Variants in QTMAN observed in about 807,000 individuals in gnomAD.
The protein encoded by QTMAN is tRNA-queuosine alpha-mannosyltransferase.
chr2:144,264,128 T>C, the QTMAN span, among the ~76,000 whole-genome samples: 1 of 152,204 alleles, frequency 6.6e-6, no homozygotes, highest in African/African-American at 2.4e-5. Flanking sequence ...AAAATGCAGA[T>C]AATAACACCT....
the QTMAN span, chr2:144,332,639 G>A: frequency 1.3e-5 from 2 of 151,180 alleles, no homozygotes; most frequent in African/African-American, 4.8e-5. Context: ...CCGCCTCTCT[G>A]CGCCGCCCGG....
the QTMAN span, among the ~76,000 whole-genome samples, chr2:144,099,299 G>C: frequency 2.0e-5 from 3 of 152,120 alleles, no homozygotes; most frequent in Non-Finnish European, 4.4e-5. Flanking sequence ...GAAGAGTATG[G>C]TACTTTTCAA....
chr2:144,018,147 T>C, the QTMAN span, among the ~76,000 whole-genome samples: 1 of 152,200 alleles, frequency 6.6e-6, no homozygotes, highest in Non-Finnish European at 1.5e-5. Flanking sequence ...GTCATTTTCC[T>C]TCTTAAAACT....
the QTMAN span, among the ~76,000 whole-genome samples, chr2:144,044,622 C>CT: frequency 1.3e-5 from 2 of 152,114 alleles, no homozygotes; most frequent in Non-Finnish European, 2.9e-5. Flanking sequence ...GTTCTGAATT[C>CT]TTTTTCTAAG....
At chr2:144,090,766 C>T in the QTMAN span, among the ~76,000 whole-genome samples, 1 of 151,998 alleles carries the variant, frequency 6.6e-6, no homozygotes, top group Non-Finnish European at 1.5e-5. Context: ...TACGTCGTGT[C>T]TCTTCAATTG....
the QTMAN span, among the ~76,000 whole-genome samples, chr2:144,116,564 G>A: frequency 1.7e-4 from 26 of 152,218 alleles, no homozygotes; most frequent in Non-Finnish European, 7.4e-5. Flanking sequence ...AGGACCAGTG[G>A]ACTGCCATAC....
At chr2:144,237,777 A>G in the QTMAN span, among the ~76,000 whole-genome samples, 1 of 152,102 alleles carries the variant, frequency 6.6e-6, no homozygotes, top group African/African-American at 2.4e-5. Flanking sequence ...GGTCTGAGTG[A>G]TCAACAGAAT....
At chr2:144,322,238 T>C in the QTMAN span, among the ~76,000 whole-genome samples, 1 of 152,216 alleles carries the variant, frequency 6.6e-6, no homozygotes, top group Admixed American at 6.5e-5. Context: ...ATCTCTTTAG[T>C]CAGGACCACT....
chr2:144,054,948 A>G, the QTMAN span, among the ~76,000 whole-genome samples: 1 of 152,156 alleles, frequency 6.6e-6, no homozygotes, highest in Non-Finnish European at 1.5e-5. Context: ...GTTTTATAAT[A>G]TGTATCTGAC....
the QTMAN span, chr2:143,952,059 A>C: frequency 6.3e-7 from 1 of 1,599,756 alleles, no homozygotes; most frequent in East Asian, 2.2e-5. Context: ...TCAGGTGTAG[A>C]ATACAGATAT....
chr2:144,070,294 T>C, the QTMAN span, among the ~76,000 whole-genome samples: 1 of 152,158 alleles, frequency 6.6e-6, no homozygotes, highest in South Asian at 2.1e-4. Flanking sequence ...TGAAACTGTA[T>C]ACAACAAACC....
At chr2:144,083,141 C>G in the QTMAN span, among the ~76,000 whole-genome samples, 1 of 152,208 alleles carries the variant, frequency 6.6e-6, no homozygotes, top group Non-Finnish European at 1.5e-5. Context: ...ATGGCAAGAC[C>G]TATCCCCACA....
At chr2:144,030,197 C>A in the QTMAN span, among the ~76,000 whole-genome samples, 11 of 152,268 alleles carry the variant, frequency 7.2e-5, no homozygotes, top group South Asian at 1.7e-3. Context: ...ACTAATTACT[C>A]TTCTCTCCTA....
the QTMAN span, among the ~76,000 whole-genome samples, chr2:144,037,452 T>A: frequency 6.6e-6 from 1 of 152,118 alleles, no homozygotes; most frequent in Non-Finnish European, 1.5e-5. Flanking sequence ...GTATCCAGAC[T>A]TGGGAGGAGG....
the QTMAN span, among the ~76,000 whole-genome samples, chr2:144,116,809 A>G: frequency 6.6e-6 from 1 of 152,186 alleles, no homozygotes; most frequent in South Asian, 2.1e-4. Context: ...CGTTTTACAG[A>G]TAAGAAAAGG....
At chr2:144,292,800 A>T in the QTMAN span, among the ~76,000 whole-genome samples, 1 of 152,228 alleles carries the variant, frequency 6.6e-6, no homozygotes, top group Non-Finnish European at 1.5e-5. Context: ...TGTCTGATTT[A>T]TGGGGAATAA....
the QTMAN span, among the ~76,000 whole-genome samples, chr2:144,162,428 A>G: frequency 0.15 from 22,810 of 152,126 alleles, 4,389 homozygotes; most frequent in African/African-American, 0.45. Context: ...GAATTTAGGA[A>G]GTGACTCTGG....
chr2:143,982,292 G>A, the QTMAN span, among the ~76,000 whole-genome samples: 12 of 150,996 alleles, frequency 7.9e-5, no homozygotes, highest in Middle Eastern at 0.01. Flanking sequence ...GTGCAATGGC[G>A]TGATCTCAGC....
the QTMAN span, among the ~76,000 whole-genome samples, chr2:144,032,072 C>T: frequency 0.045 from 6,777 of 152,142 alleles, 267 homozygotes; most frequent in East Asian, 0.18. Context: ...CATGAGCCAC[C>T]GCTCCGGGCC....
Sources: gnomAD v4.1 joint callset for allele counts (sites outside exome capture counted in the v4.1 genomes callset) on GRCh38, gnomAD v4.1.1 for gene constraint, MANE v1.5 for transcripts, NCBI Gene and HGNC (gene_info 2026-07-23, HGNC 2026-07-21) for gene names.